Variants in NBAS observed in about 807,000 individuals in gnomAD.
NBAS encodes NBAS subunit of NRZ tethering complex, also known as NAG/BC035112 fusion.
NBAS carries 219 observed loss-of-function variants against 302.5 expected under a neutral mutation model. The ratio of observed to expected loss-of-function variants is 0.72; its 90% confidence interval spans 0.65 to 0.81. The LOEUF (loss-of-function observed/expected upper bound fraction) is 0.81, where lower values mean the gene tolerates loss of function less well. NBAS is among the 30% of genes least tolerant of loss of function. The pLI is 0.00. For missense variants in NBAS, 2,932 were observed against 2,841.6 expected, an observed-to-expected ratio of 1.03 and a Z score of -0.72; for synonymous variants, 1,118 against 1,021.6, an observed-to-expected ratio of 1.09 and a Z score of -1.80.
the NBAS span, among the ~76,000 whole-genome samples, chr2:15,046,707 C>T: frequency 9.2e-5 from 14 of 152,168 alleles, no homozygotes; most frequent in Admixed American, 2.0e-4. Flanking sequence ...TTGCAGGCAG[C>T]GGGGAAAAAG....
chr2:14,889,008 C>G, the NBAS span, among the ~76,000 whole-genome samples: 3 of 152,316 alleles, frequency 2.0e-5, no homozygotes, highest in South Asian at 6.2e-4. Context: ...TCGGAACTCC[C>G]TTTTTGACCT....
At chr2:15,049,197 A>G in the NBAS span, among the ~76,000 whole-genome samples, 1 of 152,044 alleles carries the variant, frequency 6.6e-6, no homozygotes, top group African/African-American at 2.4e-5. Flanking sequence ...TTCCACCTGC[A>G]CCCCCAGCTC....
the NBAS span, among the ~76,000 whole-genome samples, chr2:14,863,249 C>A: frequency 1.3e-5 from 2 of 152,198 alleles, no homozygotes; most frequent in Admixed American, 6.5e-5. Context: ...AGAAGACCAC[C>A]TAAACAGGCT....
the NBAS span, among the ~76,000 whole-genome samples, chr2:14,945,000 A>C: frequency 6.6e-6 from 1 of 152,230 alleles, no homozygotes; most frequent in African/African-American, 2.4e-5. Flanking sequence ...GCAAAGACAA[A>C]GTGAAGAGGG....
chr2:15,234,513 A>G (rs1285542954), intron 46 of NBAS, 32 bp downstream of exon 46: 1 of 1,606,252 alleles, frequency 6.2e-7, no homozygotes, highest in Admixed American at 1.7e-5. Context: ...GTGTCACCCC[A>G]GTTTTTCCAC....
rs946407803 is a variant in NBAS at position 15,415,576 on chromosome 2, G to A, written c.2907C>T (p.Pro969=). 6.2e-7 allele frequency: 1 copy of A among 1,613,952 alleles called. No homozygotes were observed. Residue 969 remains proline, a synonymous_variant, in exon 25 of 52, where the codon CCC becomes CCT. Coordinates refer to ENST00000281513, the MANE Select transcript of NBAS (RefSeq NM_015909.4). ...GTTTGGAATGCTGAAATATCTTCAG[G>A]GGAAATTTTAAGTCCCCTTTAGCTA... ...VTLAKGDLKF[P]LKIFQHSKPD... is the part of the protein sequence containing the mutation.
chr2:14,901,751 G>C, the NBAS span, among the ~76,000 whole-genome samples: 2 of 152,174 alleles, frequency 1.3e-5, no homozygotes, highest in East Asian at 3.8e-4. Context: ...ACAGCCCACA[G>C]CCCTCACAAG....
intron 47 of NBAS, among the ~76,000 whole-genome samples, chr2:15,231,068 A>C (rs1383061163): frequency 1.3e-5 from 2 of 152,242 alleles, no homozygotes; most frequent in Non-Finnish European, 2.9e-5. Context: ...TACAGGCCAG[A>C]TCGTCTCCCG....
At chr2:15,128,616 A>G in the NBAS span, among the ~76,000 whole-genome samples, 1 of 152,192 alleles carries the variant, frequency 6.6e-6, no homozygotes, top group South Asian at 2.1e-4. Context: ...GGGGAACATT[A>G]TCCAGGGTGT....
the NBAS span, among the ~76,000 whole-genome samples, chr2:14,909,366 T>TAAAAAAAAAAAAAAAAAAAAAAAA: frequency 2.3e-4 from 18 of 78,578 alleles, 2 homozygotes; most frequent in Middle Eastern, 7.6e-3. Context: ...GGAGAGTTTC[T>TAAAAAAAAAAAAAAAAAAAAAAAA]AAAAAAAAAA....
At position 15,488,995 on chromosome 2, in the gene NBAS, G is replaced by A. The variant is rs143976151; in HGVS notation, c.982C>T (p.Pro328Ser). ...ATGGCTGCCAGGAGCATCCCATCTGGAGAAAGGCTCATCTTAAAAATTCCA... is the reference window on the plus strand; with the variant it reads ...ATGGCTGCCAGGAGCATCCCATCTGAAGAAAGGCTCATCTTAAAAATTCCA... ...QDGIFKMSLS[P>S]DGMLLAAIHF... The change falls in exon 12 of 52, where the codon CCA (proline) becomes TCA (serine). Residue 328 changes from proline (P) to serine (S), a missense_variant. By Grantham distance (74) the Pro-to-Ser change is moderately conservative. Transcript: ENST00000281513. 24 of 1,613,608 alleles carry A rather than the reference G, an allele frequency of 1.5e-5. No homozygotes were observed. In the African/African-American group the frequency reaches 2.5e-4, roughly 17 times the overall value.
chr2:14,912,703 TAAAAAAAAAAAAAAAA>T, the NBAS span, among the ~76,000 whole-genome samples: 55 of 78,580 alleles, frequency 7.0e-4, no homozygotes, highest in African/African-American at 1.8e-3. Context: ...CATTCATTTT[TAAAAAAAAAAAAAAAA>T]AAAAAAAAAG....
chr2:14,940,744 G>T, the NBAS span, among the ~76,000 whole-genome samples: 1 of 152,204 alleles, frequency 6.6e-6, no homozygotes, highest in Non-Finnish European at 1.5e-5. Flanking sequence ...TGCCAGGGCT[G>T]CTCCCGATGT....
the NBAS span, among the ~76,000 whole-genome samples, chr2:15,129,839 G>A: frequency 2.0e-5 from 3 of 152,142 alleles, no homozygotes; most frequent in South Asian, 2.1e-4. Flanking sequence ...CACGCACGGA[G>A]ACCACACATT....
chr2:15,149,951 T>C, the NBAS span, among the ~76,000 whole-genome samples: 2 of 151,916 alleles, frequency 1.3e-5, no homozygotes, highest in South Asian at 2.1e-4. Context: ...GGCTCACATC[T>C]GTAGTCCCAG....
the NBAS span, among the ~76,000 whole-genome samples, chr2:14,933,611 G>A: frequency 6.6e-6 from 1 of 152,038 alleles, no homozygotes; most frequent in Non-Finnish European, 1.5e-5. Flanking sequence ...TTTAAAACAT[G>A]AGTAATCTTG....
At chr2:14,845,896 G>A in the NBAS span, among the ~76,000 whole-genome samples, 3 of 151,042 alleles carry the variant, frequency 2.0e-5, no homozygotes, top group African/African-American at 7.4e-5. Flanking sequence ...AAACAAAGAA[G>A]CAAGCCTACA....
intron 12 of NBAS, among the ~76,000 whole-genome samples, chr2:15,488,073 T>C (rs1036574583): frequency 2.6e-5 from 4 of 152,218 alleles, no homozygotes; most frequent in Non-Finnish European, 5.9e-5. Flanking sequence ...AATTATGACA[T>C]TGATCCATTC....
chr2:15,202,249 C>A (rs1025258227), intron 48 of NBAS, among the ~76,000 whole-genome samples: 1 of 152,192 alleles, frequency 6.6e-6, no homozygotes, highest in Admixed American at 6.5e-5. Context: ...TGCTTTACAG[C>A]ACCCTACTTA....
Sources: gnomAD v4.1 joint callset for allele counts (sites outside exome capture counted in the v4.1 genomes callset) on GRCh38, gnomAD v4.1.1 for gene constraint, MANE v1.5 for transcripts, NCBI Gene and HGNC (gene_info 2026-07-23, HGNC 2026-07-21) for gene names.